Variants in SLIT3 observed in about 807,000 individuals in gnomAD.
SLIT3 encodes slit guidance ligand 3.
A neutral mutation model predicts 184.0 loss-of-function variants in SLIT3; 68 were observed. The ratio of observed to expected loss-of-function variants is 0.37; its 90% CI spans 0.30 to 0.45. SLIT3 has a LOEUF of 0.45. SLIT3 is among the 20% of genes least tolerant of loss of function. The probability of loss-of-function intolerance (pLI) is 1.00; values close to 1 mark genes in which losing one functional copy is unlikely to be tolerated. For missense variants in SLIT3, 1,707 were observed against 2,026.0 expected (o/e 0.84, Z 3.02); for synonymous variants, 831 against 828.6 (o/e 1.00, Z -0.05).
chr5:169,044,979 G>C (rs1757578788), intron 4 of SLIT3, among the ~76,000 whole-genome samples: 2 of 152,284 alleles, frequency 1.3e-5, no homozygotes, highest in Admixed American at 6.5e-5. Flanking sequence ...GCAGCCTTCT[G>C]TCCATCACGG....
At chr5:169,066,927 C>A in intron 4 of SLIT3, among the ~76,000 whole-genome samples, 2 of 140,510 alleles carry the variant, frequency 1.4e-5, no homozygotes, top group East Asian at 2.1e-4. Context: ...AAGGCAACAC[C>A]ATGATCCCTT....
chr5:169,257,382 C>T (rs943407992), intron 1 of SLIT3, among the ~76,000 whole-genome samples: 5 of 145,406 alleles, frequency 3.4e-5, no homozygotes, highest in East Asian at 2.2e-4. Flanking sequence ...CCAACCTCCC[C>T]GCCCCCACCC....
chr5:168,777,101 A>T (rs974465063), intron 12 of SLIT3, among the ~76,000 whole-genome samples: 4,063 of 55,504 alleles, frequency 0.073, 134 homozygotes, highest in African/African-American at 0.17. Flanking sequence ...ACACACACAC[A>T]CACACCCCCC....
intron 5 of SLIT3, among the ~76,000 whole-genome samples, chr5:168,856,159 A>T (rs6555833): frequency 6.6e-6 from 1 of 152,122 alleles, no homozygotes; most frequent in African/African-American, 2.4e-5. Flanking sequence ...GGTGCACTAC[A>T]TTGCGAGTGT....
rs530828459 is a variant in SLIT3, at chr5:169,198,744, C to T, written c.342-5194G>A. On this transcript the variant is annotated intron_variant, in intron 3 of 35. Coordinates refer to ENST00000519560, the MANE Select transcript of SLIT3 (RefSeq NM_003062.4). ...GTCAGGAGCTCGAGACCAGCCTGGC[C>T]AACATGGTGAAACCCCGTCTCTACT... 4.8e-3 allele frequency among the ~76,000 whole-genome samples: 723 copies of T among 152,028 alleles called. 18 individuals carry two copies. The highest frequency in any genetic ancestry group is 3.4e-3 in the Middle Eastern group (1 of 294).
intron 4 of SLIT3, among the ~76,000 whole-genome samples, chr5:168,899,370 C>T (rs1056749879): frequency 3.9e-5 from 6 of 152,010 alleles, no homozygotes; most frequent in Admixed American, 2.0e-4. Flanking sequence ...AAAAAATAGC[C>T]GGGCATGGTG....
At chr5:169,082,900 A>G (rs1178282831) in intron 4 of SLIT3, among the ~76,000 whole-genome samples, 1 of 152,228 alleles carries the variant, frequency 6.6e-6, no homozygotes, top group African/African-American at 2.4e-5. Context: ...TCACACATTG[A>G]CAAATGTCTT....
At chr5:168,954,354 A>G (rs1713477510) in intron 4 of SLIT3, among the ~76,000 whole-genome samples, 1 of 151,990 alleles carries the variant, frequency 6.6e-6, no homozygotes, top group Admixed American at 6.6e-5. Context: ...ATTAATATAT[A>G]ATTATATATA....
chr5:169,190,189 T>G (rs2044115011), intron 4 of SLIT3, among the ~76,000 whole-genome samples: 1 of 152,214 alleles, frequency 6.6e-6, no homozygotes, highest in African/African-American at 2.4e-5. Flanking sequence ...GACATGGGCA[T>G]ATATGACCAA....
intron 4 of SLIT3, among the ~76,000 whole-genome samples, chr5:168,975,868 G>C (rs190190922): frequency 6.6e-6 from 1 of 152,122 alleles, no homozygotes; most frequent in Non-Finnish European, 1.5e-5. Flanking sequence ...ACGGGTGGGC[G>C]TCCTGATCTC....
intron 4 of SLIT3, among the ~76,000 whole-genome samples, chr5:168,949,583 A>AC (rs1431560463): frequency 6.6e-6 from 1 of 152,090 alleles, no homozygotes; most frequent in East Asian, 1.9e-4. Context: ...CAAATATACA[A>AC]CAGTAAAAAT....
At chr5:168,777,092 C>T (rs527435164) in intron 12 of SLIT3, among the ~76,000 whole-genome samples, 62 of 86,490 alleles carry the variant, frequency 7.2e-4, no homozygotes, top group African/African-American at 3.0e-3. Context: ...CACACACACA[C>T]ACACACACAC....
At chr5:168,841,971 C>T (rs1053612413) in intron 6 of SLIT3, among the ~76,000 whole-genome samples, 1 of 152,184 alleles carries the variant, frequency 6.6e-6, no homozygotes, top group Non-Finnish European at 1.5e-5. Context: ...TCTCCTCTTT[C>T]ACTCAGAAAT....
intron 4 of SLIT3, among the ~76,000 whole-genome samples, chr5:169,099,723 G>A (rs1415723675): frequency 6.6e-6 from 1 of 152,222 alleles, no homozygotes; most frequent in Non-Finnish European, 1.5e-5. Flanking sequence ...TGACCTCAAT[G>A]TATGCTCATG....
At chr5:168,671,563 C>T in intron 33 of SLIT3, 80 bp from the exon 34 acceptor site, 2 of 1,453,716 alleles carry the variant, frequency 1.4e-6, no homozygotes, top group Non-Finnish European at 9.3e-7. Flanking sequence ...AAGCACTTTT[C>T]ACACATTCAT....
intron 8 of SLIT3, 132 bp from the exon 9 acceptor site, chr5:168,806,719 C>T: frequency 1.0e-6 from 1 of 993,762 alleles, no homozygotes; most frequent in Non-Finnish European, 1.5e-6. Flanking sequence ...CAGCTGACAT[C>T]TCCCTTCACC....
At chr5:169,232,857 A>G (rs1765055403) in intron 3 of SLIT3, among the ~76,000 whole-genome samples, 1 of 152,170 alleles carries the variant, frequency 6.6e-6, no homozygotes, top group African/African-American at 2.4e-5. Context: ...CCATCCATCA[A>G]TTTGGAGAGA....
At chr5:169,143,878 G>A (rs941996487) in intron 4 of SLIT3, among the ~76,000 whole-genome samples, 6 of 152,052 alleles carry the variant, frequency 3.9e-5, no homozygotes, top group South Asian at 2.1e-4. Context: ...GAAAGTGAGA[G>A]AGCACTCACA....
rs182201925 is a variant in SLIT3, at chr5:169,102,262, T to C, written c.413+91217A>G. On this transcript the variant is annotated intron_variant, in intron 4 of 35. Coordinates refer to ENST00000519560, the MANE Select transcript of SLIT3 (RefSeq NM_003062.4). ...GAGAGTTGAAATCACTCCCAGCCAATTTGAGGCCACTGCAGCCAAATCTCC... is the reference window on the plus strand; with the variant it reads ...GAGAGTTGAAATCACTCCCAGCCAACTTGAGGCCACTGCAGCCAAATCTCC... Among the ~76,000 whole-genome samples the C allele has an allele frequency of 3.3e-5, 5 of 152,260 alleles. No homozygotes were observed. In the East Asian group the frequency reaches 7.7e-4, roughly 23 times the overall value.
Sources: gnomAD v4.1 joint callset for allele counts (sites outside exome capture counted in the v4.1 genomes callset) on GRCh38, gnomAD v4.1.1 for gene constraint, MANE v1.5 for transcripts, NCBI Gene and HGNC (gene_info 2026-07-23, HGNC 2026-07-21) for gene names.